The following CLCN7 variants were observed in gnomAD, a reference collection of about 807,000 sequenced individuals.
CLCN7 encodes the protein Cl-/H+ antiporter 7.
A neutral mutation model predicts 102.1 loss-of-function variants in CLCN7; 60 were observed. The observed-to-expected ratio is 0.59, with a 90% CI of 0.48 to 0.73. CLCN7 has a LOEUF of 0.73. Among genes scored for constraint, CLCN7 ranks in the 30% least tolerant of loss-of-function variants. The probability of loss-of-function intolerance (pLI) is 0.00; values close to 1 mark genes in which losing one functional copy is unlikely to be tolerated. For missense variants in CLCN7, 962 were observed against 1,125.7 expected (o/e 0.85, Z 2.08); for synonymous variants, 560 against 490.5 (o/e 1.14, Z -1.87).
rs1281200780 is a variant in CLCN7 at position 1,447,547 on chromosome 16, G to T, written c.2095C>A (p.Leu699Met). Residue 699 changes from leucine (L) to methionine (M), a missense_variant, in exon 23 of 25, where the codon CTG becomes ATG. By Grantham distance (15) the Leu-to-Met change is conservative. This residue lies in a region of CLCN7 where 799 missense variants were observed against 988.0 expected (regional missense o/e 0.81). Transcript: ENST00000382745. The part of the protein sequence containing the change: ...KHKVFVERSN[L>M]GLVQRRLRLK... Reference sequence around the variant, plus strand: ...CTCAGGCGCCGCTGTACCAGGCCCAGGTTGGACCGCTCCACAAACACCTGC... The same window carrying T: ...CTCAGGCGCCGCTGTACCAGGCCCATGTTGGACCGCTCCACAAACACCTGC... 1.3e-6 allele frequency: 2 copies of T among 1,556,270 alleles called. No individual in the cohort carries two copies. The highest frequency in any genetic ancestry group is 1.7e-6 in the Non-Finnish European group (2 of 1,150,280).
Position 1,447,039 on chromosome 16 carries a change from C to T in CLCN7, c.2298G>A (p.Leu766=), listed in dbSNP as rs918437852. The part of the protein sequence containing the change: ...RVFKLFRALG[L]RHLVVVDNRN... ...GGTTGTCCACCACCACCAGGTGCCG[C>T]AGGCCCAGGGCCCGGAACAGCTTGA... is the stretch of plus-strand genomic sequence containing the variant. Residue 766 remains leucine, a synonymous_variant, in exon 24 of 25, where the codon CTG becomes CTA. Coordinates refer to ENST00000382745, the MANE Select transcript of CLCN7 (RefSeq NM_001287.6). 1.2e-6 allele frequency: 2 copies of T among 1,602,500 alleles called. No individual in the cohort carries two copies. Among genetic ancestry groups the T allele is most frequent in the South Asian group, 2.2e-5 (2 of 90,192 alleles).
rs1411180731 is a variant in CLCN7 at position 1,457,573 on chromosome 16, G to A, written c.738+121C>T. 6.7e-6 allele frequency: 6 copies of A among 899,188 alleles called. No individual in the cohort carries two copies. Among genetic ancestry groups the A allele is most frequent in the South Asian group, 5.5e-5 (4 of 72,870 alleles). The allele number at this position is 899,188 out of a possible 1,614,324, so 55.7% of individuals were successfully genotyped here. A position where few individuals can be genotyped will look rare whatever the true frequency, so the allele number is the denominator to read the frequency against. On this transcript the variant is annotated intron_variant, in intron 8 of 24. Transcript: ENST00000382745. This position sits in a 1 kb window ranked among gnomAD's most constrained non-coding sequence, Gnocchi z 5.4. ...GAAGGACCGGTGCTCAGAGACACGC[G>A]TGACGCGGCCCTTCCTGGAGACCAG...
Position 1,448,429 on chromosome 16 carries a change from T to C in CLCN7, c.1939A>G (p.Ile647Val), listed in dbSNP as rs756978484. 1 of 1,612,452 alleles carries C rather than the reference T, an allele frequency of 6.2e-7. No individual in the cohort carries two copies. Among genetic ancestry groups the C allele is most frequent in the South Asian group, 1.1e-5 (1 of 91,082 alleles). The change falls in exon 21 of 25, where the codon ATT becomes GTT. Residue 647 changes from isoleucine (I) to valine (V), a missense_variant. Physicochemically the swap from Ile to Val is conservative, Grantham distance 29. Around this residue, in one of 2 missense-constraint regions of CLCN7, gnomAD observed 799 missense variants for 988.0 expected, o/e 0.81. Coordinates refer to ENST00000382745, the MANE Select transcript of CLCN7 (RefSeq NM_001287.6). ...GCCGTGTCGCTCAGCACGTCCACAA[T>C]GACGCCGACCTTCTCACGCCGCCTC... ...CLRRREKVGV[I>V]VDVLSDTASN...
chr16:1,466,124 T>C (rs375902200), intron 1 of CLCN7, among the ~76,000 whole-genome samples: 23 of 152,200 alleles, frequency 1.5e-4, no homozygotes, highest in African/African-American at 5.5e-4. Flanking sequence ...GCCTTCCAGG[T>C]GGAGGGACCG....
rs1026405044 is a variant in CLCN7, at chr16:1,446,282, G to A, written c.*349C>T. 29 of 696,280 alleles carry A rather than the reference G, an allele frequency of 4.2e-5. No homozygotes were observed. The highest frequency in any genetic ancestry group is 1.0e-4 in the South Asian group (7 of 66,936). The allele number at this position is 696,280 out of a possible 1,614,324, so 43.1% of individuals were successfully genotyped here. ...GGCAAGGGCTCTGTCTCACGCACACGGGCACAGGCACGCAGGTGCCGGCCC... is the reference window on the plus strand; with the variant it reads ...GGCAAGGGCTCTGTCTCACGCACACAGGCACAGGCACGCAGGTGCCGGCCC... On this transcript the variant is annotated 3_prime_UTR_variant, in exon 25 of 25. Transcript: ENST00000382745.
rs555644355 is a variant in CLCN7, at chr16:1,470,967, C to T, written c.141+3867G>A. On this transcript the variant is annotated intron_variant, in intron 1 of 24. Coordinates refer to ENST00000382745, the MANE Select transcript of CLCN7 (RefSeq NM_001287.6). ...AGTGTTTCTGGCTCCAGCCGCTTTC[C>T]CTCTCAGTTCTCAAGGAGTTCTGCT... Among the ~76,000 whole-genome samples, 4 of 152,338 alleles carry T rather than the reference C, an allele frequency of 2.6e-5. 1 individual carries two copies. The South Asian group carries it at 8.3e-4, about 32-fold the overall frequency.
In CLCN7 at chr16:1,452,386, C is replaced by T. The variant is rs185970000; in HGVS notation, c.1353+369G>A. On this transcript the variant is annotated intron_variant, in intron 15 of 24. Coordinates refer to ENST00000382745, the MANE Select transcript of CLCN7 (RefSeq NM_001287.6). Reference sequence around the variant, plus strand: ...GTCACAGTGCAGATGGACGCACGGACGGCGGTGAGCCGTGAGCGCCAGGCA... The same window carrying T: ...GTCACAGTGCAGATGGACGCACGGATGGCGGTGAGCCGTGAGCGCCAGGCA... The T allele has an allele frequency of 3.6e-4, 112 of 310,458 alleles. No homozygotes were observed. In the East Asian group the frequency reaches 4.9e-3, roughly 14 times the overall value. The allele number at this position is 310,458 out of a possible 1,614,324, so 19.2% of individuals were successfully genotyped here. A position where few individuals can be genotyped will look rare whatever the true frequency, so the allele number is the denominator to read the frequency against.
In CLCN7 at chr16:1,457,967, T is replaced by C. The variant is rs957303263; in HGVS notation, c.676-211A>G. On this transcript the variant is annotated intron_variant, in intron 7 of 24. Coordinates refer to ENST00000382745, the MANE Select transcript of CLCN7 (RefSeq NM_001287.6). This position sits in a 1 kb window ranked among gnomAD's most constrained non-coding sequence, Gnocchi z 5.4. ...GTCCCCCGCACTCACTCGGGGGACC[T>C]GCCCTCTGTGGCCTCAGCACTGAGC... Among the ~76,000 whole-genome samples the C allele has an allele frequency of 1.3e-5, 2 of 152,212 alleles. No homozygotes were observed. The highest frequency in any genetic ancestry group is 2.9e-5 in the Non-Finnish European group (2 of 68,020).
chr16:1,463,549 C>T (rs1461757604), intron 2 of CLCN7, among the ~76,000 whole-genome samples: 2 of 152,186 alleles, frequency 1.3e-5, no homozygotes, highest in African/African-American at 4.8e-5. Flanking sequence ...TCATGGCTCA[C>T]TGCAGCCTCA....
At position 1,454,412 on chromosome 16, in the gene CLCN7, C is replaced by T. The variant is rs751972795; in HGVS notation, c.1152G>A (p.Val384=). 1 of 1,613,548 alleles carries T rather than the reference C, an allele frequency of 6.2e-7. No individual in the cohort carries two copies. The highest frequency in any genetic ancestry group is 1.3e-5 in the African/African-American group (1 of 75,068). The change falls in exon 13 of 25, where the codon GTG becomes GTA. Residue 384 remains valine (V), a splice_region_variant and synonymous_variant. Transcript: ENST00000382745. Reference sequence around the variant, plus strand: ...TGCGGTGCTGGGAGAAGCCCTTACCCACCACGCCCATGGCGATGAAGACCG... The same window carrying T: ...TGCGGTGCTGGGAGAAGCCCTTACCTACCACGCCCATGGCGATGAAGACCG... ...EIPVFIAMGV[V]GGVLGAVFNA...
chr16:1,445,922 A>C lies in CLCN7; in HGVS notation c.*709T>G. On this transcript the variant is annotated 3_prime_UTR_variant, in exon 25 of 25. Transcript: ENST00000382745. ...TTGGGGGACCAAGGCAGGGCTGGGC[A>C]TGGGGCTCAGGGCCTTGGAGGTTTT... 4 of 222,288 alleles carry C rather than the reference A, an allele frequency of 1.8e-5. No homozygotes were observed. The highest frequency in any genetic ancestry group is 2.3e-4 in the East Asian group (2 of 8,788). 13.8% of individuals were successfully genotyped at this position (222,288 alleles called of 1,614,324 possible).
At chr16:1,465,081 G>C (rs1302372567) in intron 2 of CLCN7, among the ~76,000 whole-genome samples, 186 bp downstream of exon 2, 4 of 152,150 alleles carry the variant, frequency 2.6e-5, no homozygotes, top group East Asian at 1.9e-4. Flanking sequence ...CTCCGTCTGA[G>C]AGCACTTCTG....
chr16:1,460,577 C>G, intron 5 of CLCN7, 50 bp from the exon 6 acceptor site: 1 of 1,459,948 alleles, frequency 6.8e-7, no homozygotes, highest in Non-Finnish European at 9.6e-7. Context: ...GACCACCCAG[C>G]CCAGACCTCA....
intron 1 of CLCN7, among the ~76,000 whole-genome samples, chr16:1,465,921 G>A (rs1374077040): frequency 6.6e-6 from 1 of 152,242 alleles, no homozygotes; most frequent in Non-Finnish European, 1.5e-5. Context: ...CCTGGGTGGC[G>A]TGGTGCAGAT....
At position 1,454,427 on chromosome 16, in the gene CLCN7, G is replaced by A. The variant is rs749315456; in HGVS notation, c.1137C>T (p.Ile379=). 61 of 1,613,560 alleles carry A rather than the reference G, an allele frequency of 3.8e-5. No homozygotes were observed. Among genetic ancestry groups the A allele is most frequent in the Middle Eastern group, 1.6e-4 (1 of 6,072 alleles). The change falls in exon 13 of 25, where the codon ATC becomes ATT. Residue 379 remains isoleucine, a synonymous_variant. Transcript: ENST00000382745. ...AGCCCTTACCCACCACGCCCATGGC[G>A]ATGAAGACCGGGATCTCGTGGATCG... ...AYTIHEIPVF[I]AMGVVGGVLG...
intron 1 of CLCN7, among the ~76,000 whole-genome samples, chr16:1,467,446 G>A (rs1317927951): frequency 1.3e-5 from 2 of 152,176 alleles, no homozygotes; most frequent in African/African-American, 2.4e-5. Flanking sequence ...CCACGGTCCA[G>A]GCATGATGGA....
intron 17 of CLCN7, chr16:1,449,850 G>C (rs1422862022): frequency 5.2e-6 from 1 of 190,970 alleles, no homozygotes; most frequent in Non-Finnish European, 1.1e-5. Flanking sequence ...GAGTTTTACG[G>C]TATTTGAATC....
chr16:1,473,129 G>C (rs2039100352), intron 1 of CLCN7, among the ~76,000 whole-genome samples: 1 of 151,368 alleles, frequency 6.6e-6, no homozygotes. Context: ...ACACACACAG[G>C]CATACACACA....
Position 1,474,885 on chromosome 16 carries a change from G to C in CLCN7, c.90C>G (p.Pro30=). ...AAPLLRRTAR[P]GGGTPLLNGA... Reference sequence around the variant, plus strand: ...CGTTCAGCAGCGGCGTCCCCCCGCCGGGCCGCGCCGTCCTCCGCAGCAGCG... The same window carrying C: ...CGTTCAGCAGCGGCGTCCCCCCGCCCGGCCGCGCCGTCCTCCGCAGCAGCG... The change falls in exon 1 of 25, where the codon CCC becomes CCG. Residue 30 remains proline (P), a synonymous_variant. Coordinates refer to ENST00000382745, the MANE Select transcript of CLCN7 (RefSeq NM_001287.6). 6.9e-7 allele frequency: 1 copy of C among 1,449,878 alleles called. No homozygotes were observed. The highest frequency in any genetic ancestry group is 9.1e-7 in the Non-Finnish European group (1 of 1,103,568). 89.8% of individuals were successfully genotyped at this position (1,449,878 alleles called of 1,614,324 possible). A position where few individuals can be genotyped will look rare whatever the true frequency, so the allele number is the denominator to read the frequency against.
Sources: allele counts gnomAD v4.1 joint callset (sites outside exome capture counted in the v4.1 genomes callset), GRCh38; gene constraint gnomAD v4.1.1; regional missense constraint gnomAD v4.1.1; non-coding constraint Gnocchi (gnomAD v3.1); transcripts MANE v1.5; gene names NCBI Gene and HGNC (gene_info 2026-07-23, HGNC 2026-07-21).